FRMD4A: variants seen among roughly 807,000 people sequenced by gnomAD.
The protein encoded by FRMD4A is FERM domain-containing protein 4A.
Under a neutral mutation model 129.1 loss-of-function variants are expected in FRMD4A, and 29 were observed. The observed-to-expected ratio is 0.22, with a 90% CI of 0.17 to 0.31. FRMD4A has a LOEUF of 0.31. Ranked by LOEUF, FRMD4A falls within the 10% of genes least tolerant of loss-of-function variation. FRMD4A has a pLI of 1.00. For synonymous variants in FRMD4A, 634 were observed against 571.6 expected (o/e 1.11, Z -1.56); for missense variants, 1,272 against 1,375.8 (o/e 0.92, Z 1.19).
At chr10:13,760,465 G>T (rs2092024976) in intron 8 of FRMD4A, among the ~76,000 whole-genome samples, 1 of 151,910 alleles carries the variant, frequency 6.6e-6, no homozygotes, top group African/African-American at 2.4e-5. Flanking sequence ...GTTACAGTGA[G>T]ACATGACTGC....
chr10:13,846,654 C>G (rs1376790722), intron 3 of FRMD4A, among the ~76,000 whole-genome samples: 3 of 152,216 alleles, frequency 2.0e-5, no homozygotes, highest in African/African-American at 7.2e-5. Flanking sequence ...ACTGTAATGG[C>G]ATAGGGCCTG....
At chr10:13,784,914 C>A (rs1016405408) in intron 5 of FRMD4A, among the ~76,000 whole-genome samples, 3 of 151,016 alleles carry the variant, frequency 2.0e-5, no homozygotes, top group African/African-American at 7.4e-5. Flanking sequence ...TCGCTTGAAC[C>A]CAGGAGGGGG....
intron 12 of FRMD4A, among the ~76,000 whole-genome samples, chr10:13,709,204 T>A (rs1233367606): frequency 2.0e-5 from 3 of 152,340 alleles, no homozygotes; most frequent in African/African-American, 7.2e-5. Flanking sequence ...GCTCAAGTGA[T>A]CTGCCCGCCT....
At position 14,015,579 on chromosome 10, in the gene FRMD4A, G is replaced by A. The variant is rs560626025; in HGVS notation, c.46-156667C>T. 1.5e-4 allele frequency among the ~76,000 whole-genome samples: 23 copies of A among 152,180 alleles called. No individual in the cohort carries two copies. The South Asian group carries it at 4.8e-3, about 32-fold the overall frequency. On this transcript the variant is annotated intron_variant, in intron 2 of 24. Coordinates refer to ENST00000357447, the MANE Select transcript of FRMD4A (RefSeq NM_018027.5). Reference sequence around the variant, plus strand: ...TATCCTTGCTGTGGGAGAGGGTGTGGTGTTCTAGGATAAGTGGTCAACTCC... The same window carrying A: ...TATCCTTGCTGTGGGAGAGGGTGTGATGTTCTAGGATAAGTGGTCAACTCC...
In FRMD4A at chr10:14,131,396, G is replaced by GCAC. The variant is rs764703709; in HGVS notation, c.45+198661_45+198662insGTG. Among the ~76,000 whole-genome samples, 10 of 148,930 alleles carry GCAC rather than the reference G, an allele frequency of 6.7e-5. 1 individual carries two copies. The East Asian group carries it at 1.0e-3, about 15-fold the overall frequency. Reference sequence around the variant, plus strand: ...TTAGCTCCTTAGCCCAACTCACTGTGCCCCCCCCGGCCGCCCTGTTGTCTC... The same window carrying GCAC: ...TTAGCTCCTTAGCCCAACTCACTGTGCACCCCCCCCCGGCCGCCCTGTTGTCTC... On this transcript the variant is annotated intron_variant, in intron 2 of 24. Transcript: ENST00000357447.
chr10:14,224,574 ATTT>A (rs112722853), intron 2 of FRMD4A, among the ~76,000 whole-genome samples: 4 of 152,248 alleles, frequency 2.6e-5, no homozygotes, highest in Non-Finnish European at 5.9e-5. Context: ...TTAAATTTTG[ATTT>A]TTTTTTTCTG....
chr10:13,970,649 C>T (rs896557867), intron 2 of FRMD4A, among the ~76,000 whole-genome samples: 6 of 152,074 alleles, frequency 3.9e-5, no homozygotes, highest in South Asian at 2.1e-4. Context: ...ATGAGCGACA[C>T]CCCCCTTCAA....
chr10:13,780,342 G>A (rs941233952), intron 6 of FRMD4A, among the ~76,000 whole-genome samples: 3 of 143,490 alleles, frequency 2.1e-5, no homozygotes, highest in Non-Finnish European at 4.6e-5. Context: ...AAAAAAAAAT[G>A]TTCTTTTAGT....
chr10:14,318,186 C>A (rs892967845), intron 2 of FRMD4A, among the ~76,000 whole-genome samples: 1 of 152,110 alleles, frequency 6.6e-6, no homozygotes, highest in African/African-American at 2.4e-5. Flanking sequence ...AAAGACTCAG[C>A]CTCAGGCCCC....
At chr10:14,193,446 A>G (rs984255857) in intron 2 of FRMD4A, among the ~76,000 whole-genome samples, 6 of 144,414 alleles carry the variant, frequency 4.2e-5, no homozygotes, top group African/African-American at 1.6e-4. Context: ...GTGTTTTACC[A>G]CATACATACA....
intron 2 of FRMD4A, among the ~76,000 whole-genome samples, chr10:14,131,442 T>G (rs1159467583): frequency 6.6e-6 from 1 of 151,078 alleles, no homozygotes; most frequent in Non-Finnish European, 1.5e-5. Flanking sequence ...GTCACTTTGG[T>G]TCAATACCCA....
chr10:14,037,251 C>CT (rs765263895), intron 2 of FRMD4A, among the ~76,000 whole-genome samples: 33 of 152,140 alleles, frequency 2.2e-4, no homozygotes, highest in Non-Finnish European at 4.7e-4. Context: ...TTTTTCTTTA[C>CT]TTTTTTTGAA....
Position 13,730,602 on chromosome 10 carries a change from ATT to A in FRMD4A, c.759+7240_759+7241del, listed in dbSNP as rs202067536. Among the ~76,000 whole-genome samples, 977 of 152,282 alleles carry A rather than the reference ATT, an allele frequency of 6.4e-3. 8 individuals are homozygous for A. The highest frequency in any genetic ancestry group is 0.021 in the African/African-American group (887 of 41,550). On this transcript the variant is annotated intron_variant, in intron 12 of 24. Coordinates refer to ENST00000357447, the MANE Select transcript of FRMD4A (RefSeq NM_018027.5). Reference sequence around the variant, plus strand: ...GTCTCCTGAGCCCAGTAGGACGGTAATTTGTGAAATACGGAGCCTCTCACCTC... The same window carrying A: ...GTCTCCTGAGCCCAGTAGGACGGTAATGTGAAATACGGAGCCTCTCACCTC...
At chr10:13,952,383 C>T (rs185673199) in intron 2 of FRMD4A, among the ~76,000 whole-genome samples, 316 of 152,040 alleles carry the variant, frequency 2.1e-3, no homozygotes, top group African/African-American at 7.3e-3. Flanking sequence ...CACCTGTAGT[C>T]CCAGTTGCTT....
chr10:14,243,161 G>C (rs1347864026), intron 2 of FRMD4A, among the ~76,000 whole-genome samples: 1 of 152,176 alleles, frequency 6.6e-6, no homozygotes, highest in Non-Finnish European at 1.5e-5. Context: ...TAAACCTTGA[G>C]AACATTATGC....
At chr10:13,908,610 T>C (rs1247799745) in intron 2 of FRMD4A, among the ~76,000 whole-genome samples, 2 of 152,256 alleles carry the variant, frequency 1.3e-5, no homozygotes. Context: ...GAGAGACAAG[T>C]TACGTCTAAG....
chr10:13,843,301 C>A (rs2093995964), intron 3 of FRMD4A, among the ~76,000 whole-genome samples: 1 of 152,092 alleles, frequency 6.6e-6, no homozygotes, highest in Admixed American at 6.5e-5. Flanking sequence ...TTGTCTAGGA[C>A]CACACTTTGA....
At chr10:14,277,725 G>A (rs1406394140) in intron 2 of FRMD4A, among the ~76,000 whole-genome samples, 1 of 152,146 alleles carries the variant, frequency 6.6e-6, no homozygotes, top group Non-Finnish European at 1.5e-5. Context: ...CTTCCTTACA[G>A]CCTCTCCACT....
At chr10:14,310,593 G>A (rs568712461) in intron 2 of FRMD4A, among the ~76,000 whole-genome samples, 1 of 152,276 alleles carries the variant, frequency 6.6e-6, no homozygotes, top group African/African-American at 2.4e-5. Context: ...GTCACCACGT[G>A]TACAGTAAAG....
Sources: allele counts gnomAD v4.1 joint callset (sites outside exome capture counted in the v4.1 genomes callset), GRCh38; gene constraint gnomAD v4.1.1; transcripts MANE v1.5; gene names NCBI Gene and HGNC (gene_info 2026-07-23, HGNC 2026-07-21).